ZFHX4: variants seen among roughly 807,000 people sequenced by gnomAD.
ZFHX4 encodes the protein zinc finger homeobox 4, also known as zinc finger homeobox protein 4.
Under a neutral mutation model 267.6 loss-of-function variants are expected in ZFHX4, and 56 were observed. The ratio of observed to expected loss-of-function variants is 0.21; its 90% CI spans 0.17 to 0.26. ZFHX4 has a LOEUF of 0.26. ZFHX4 is among the 10% of genes least tolerant of loss of function. ZFHX4 has a pLI of 1.00. For missense variants in ZFHX4, 4,332 were observed against 4,420.0 expected (o/e 0.98, Z 0.56); for synonymous variants, 1,778 against 1,665.6 (o/e 1.07, Z -1.64).
intron 10 of ZFHX4, among the ~76,000 whole-genome samples, chr8:76,860,777 A>C (rs1421445410): frequency 1.3e-5 from 2 of 152,182 alleles, no homozygotes; most frequent in Non-Finnish European, 2.9e-5. Context: ...GTCGAATGGA[A>C]AATAGTGTAT....
chr8:76,731,985 G>A (rs1809026821), intron 3 of ZFHX4, among the ~76,000 whole-genome samples: 1 of 151,664 alleles, frequency 6.6e-6, no homozygotes, highest in African/African-American at 2.4e-5. Context: ...GGGACTACAG[G>A]TGTGTGCCTC....
chr8:76,710,805 A>G (rs1808403287), intron 3 of ZFHX4, among the ~76,000 whole-genome samples: 2 of 152,112 alleles, frequency 1.3e-5, no homozygotes, highest in Non-Finnish European at 2.9e-5. Context: ...GCATTACCTA[A>G]AAGTGTGTCC....
intron 3 of ZFHX4, among the ~76,000 whole-genome samples, chr8:76,725,723 C>T (rs1808833892): frequency 1.3e-5 from 2 of 152,080 alleles, no homozygotes; most frequent in South Asian, 4.1e-4. Flanking sequence ...TACTGTAAAC[C>T]TTTTGAGGTT....
At chr8:76,846,790 G>A (rs1812375916) in intron 6 of ZFHX4, among the ~76,000 whole-genome samples, 1 of 151,978 alleles carries the variant, frequency 6.6e-6, no homozygotes, top group African/African-American at 2.4e-5. Flanking sequence ...TGAGTCCATA[G>A]CTATACATTT....
chr8:76,696,694 A>G (rs1807966584), intron 1 of ZFHX4, among the ~76,000 whole-genome samples: 1 of 151,808 alleles, frequency 6.6e-6, no homozygotes, highest in Admixed American at 6.6e-5. Flanking sequence ...CATAATAGCA[A>G]TAAAATAACA....
intron 3 of ZFHX4, among the ~76,000 whole-genome samples, chr8:76,749,592 TC>T (rs1239292285): frequency 2.0e-5 from 3 of 152,242 alleles, no homozygotes; most frequent in Admixed American, 1.3e-4. Context: ...GGGTAAAACT[TC>T]CTGGGCCAGA....
intron 4 of ZFHX4, among the ~76,000 whole-genome samples, chr8:76,778,904 G>C (rs1810475668): frequency 6.6e-6 from 1 of 152,192 alleles, no homozygotes; most frequent in South Asian, 2.1e-4. Context: ...GACCTAGTCA[G>C]GGTCCATTAT....
Position 76,856,177 on chromosome 8 carries a change from A to G in ZFHX4, c.9256A>G (p.Ser3086Gly). The change falls in exon 10 of 11, where the codon AGC becomes GGC. Residue 3086 changes from serine (S) to glycine (G), a missense_variant. Coordinates refer to ENST00000651372, the MANE Select transcript of ZFHX4 (RefSeq NM_024721.5). Reference sequence around the variant, plus strand: ...GGTACAGCAGCCAGGCATGATGGACAGCAGTTCTCTCCACGGCATCAGCCT... The same window carrying G: ...GGTACAGCAGCCAGGCATGATGGACGGCAGTTCTCTCCACGGCATCAGCCT... ...LTVQQPGMMD[S>G]SSLHGISLPT... 1 of 1,614,004 alleles carries G rather than the reference A, an allele frequency of 6.2e-7. No homozygotes were observed. Among genetic ancestry groups the G allele is most frequent in the South Asian group, 1.1e-5 (1 of 91,088 alleles).
At chr8:76,833,860 C>T (rs1007292324) in intron 5 of ZFHX4, among the ~76,000 whole-genome samples, 1 of 152,178 alleles carries the variant, frequency 6.6e-6, no homozygotes, top group African/African-American at 2.4e-5. Context: ...TTTCACTTCT[C>T]TATAAATCTT....
chr8:76,793,022 C>T (rs1810879626), intron 4 of ZFHX4, among the ~76,000 whole-genome samples: 1 of 152,118 alleles, frequency 6.6e-6, no homozygotes, highest in Non-Finnish European at 1.5e-5. Context: ...GAAGAGAGCA[C>T]AAAGGAGAAC....
At chr8:76,710,912 A>C (rs1808405946) in intron 3 of ZFHX4, among the ~76,000 whole-genome samples, 1 of 152,184 alleles carries the variant, frequency 6.6e-6, no homozygotes, top group African/African-American at 2.4e-5. Context: ...AATGTAATGA[A>C]AATCTGTTTT....
rs115997366 is a variant in ZFHX4 at position 76,830,176 on chromosome 8, G to A, written c.3326-3162G>A. On this transcript the variant is annotated intron_variant, in intron 4 of 10. Transcript: ENST00000651372. ...TCTGTAAAATGTTGTTGTTGATGGC[G>A]ATTGGGATGATCAATACACTATTCC... 7.4e-3 allele frequency among the ~76,000 whole-genome samples: 1,131 copies of A among 152,234 alleles called. 14 individuals carry two copies. Among genetic ancestry groups the A allele is most frequent in the African/African-American group, 0.026 (1,086 of 41,552 alleles).
At chr8:76,715,500 A>G (rs760107132) in intron 3 of ZFHX4, among the ~76,000 whole-genome samples, 11 of 150,898 alleles carry the variant, frequency 7.3e-5, no homozygotes, top group Non-Finnish European at 1.5e-4. Context: ...AAAAAAAAAA[A>G]AAAAAAAAGA....
rs1812482726 is a variant in ZFHX4 at position 76,850,373 on chromosome 8, T to C, written c.3964+11T>C. 3 of 1,596,342 alleles carry C rather than the reference T, an allele frequency of 1.9e-6. No homozygotes were observed. In the Middle Eastern group the frequency reaches 5.0e-4, roughly 265 times the overall value. Reference sequence around the variant, plus strand: ...CTGGGAAATATTCAGGTATGCCATCTTATCATCAAGACTTGTGAACAATAC... The same window carrying C: ...CTGGGAAATATTCAGGTATGCCATCCTATCATCAAGACTTGTGAACAATAC... On this transcript the variant is annotated intron_variant, in intron 9 of 10. Transcript: ENST00000651372.
At chr8:76,786,344 A>G (rs2131795223) in intron 4 of ZFHX4, among the ~76,000 whole-genome samples, 1 of 150,962 alleles carries the variant, frequency 6.6e-6, no homozygotes, top group East Asian at 1.9e-4. Flanking sequence ...GAAAACTACT[A>G]ACAACGTATG....
At chr8:76,761,549 T>A (rs1477340817) in intron 3 of ZFHX4, among the ~76,000 whole-genome samples, 7 of 152,234 alleles carry the variant, frequency 4.6e-5, no homozygotes, top group African/African-American at 1.7e-4. Context: ...TTATATACAT[T>A]CTATGTGTAA....
chr8:76,778,365 A>G lies in ZFHX4; in HGVS notation c.3251A>G (p.Gln1084Arg), dbSNP rs926772271. 3.7e-6 allele frequency: 6 copies of G among 1,613,792 alleles called. No individual in the cohort carries two copies. Among genetic ancestry groups the G allele is most frequent in the Non-Finnish European group, 5.1e-6 (6 of 1,179,842 alleles). ...TEGLRKLQLH[Q>R]QGLAPEEDNL... ...GGCCTACGGAAGCTCCAGCTCCACC[A>G]GCAAGGCCTGGCACCAGAGGAGGAC... The change falls in exon 4 of 11, where the codon CAG becomes CGG. Residue 1084 changes from glutamine (Q) to arginine (R), a missense_variant. By Grantham distance (43) the Gln-to-Arg change is conservative. This residue lies in a region of ZFHX4 where 1,371 missense variants were observed against 1,423.1 expected (regional missense o/e 0.96). Transcript: ENST00000651372.
At position 76,718,038 on chromosome 8, in the gene ZFHX4, T is replaced by C. The variant is rs116980363; in HGVS notation, c.3093+9990T>C. On this transcript the variant is annotated intron_variant, in intron 3 of 10. Coordinates refer to ENST00000651372, the MANE Select transcript of ZFHX4 (RefSeq NM_024721.5). ...TCATTCATTGTTCAATTGTGAAAAA[T>C]CAGGTAGCAAGTCTAATTGCCGACA... 1.7e-3 allele frequency among the ~76,000 whole-genome samples: 257 copies of C among 152,300 alleles called. 3 individuals carry two copies. The East Asian group carries it at 0.022, about 13-fold the overall frequency.
chr8:76,726,498 ATC>A (rs573855081), intron 3 of ZFHX4, among the ~76,000 whole-genome samples: 165 of 152,332 alleles, frequency 1.1e-3, no homozygotes, highest in African/African-American at 3.6e-3. Flanking sequence ...TAGATTAAAT[ATC>A]TGTTTTCATT....
Sources: gnomAD v4.1 joint callset for allele counts (sites outside exome capture counted in the v4.1 genomes callset) on GRCh38, gnomAD v4.1.1 for gene constraint, gnomAD v4.1.1 regional missense constraint, MANE v1.5 for transcripts, NCBI Gene and HGNC (gene_info 2026-07-23, HGNC 2026-07-21) for gene names.